TLK1: variants seen among roughly 807,000 people sequenced by gnomAD.
TLK1 encodes the protein serine/threonine-protein kinase tousled-like 1.
A neutral mutation model predicts 105.3 loss-of-function variants in TLK1; 24 were observed. That is an observed-to-expected ratio of 0.23 (90% CI 0.17 to 0.32). TLK1 has a LOEUF of 0.32. Ranked by LOEUF, TLK1 falls within the 10% of genes least tolerant of loss-of-function variation. TLK1 has a pLI of 1.00. For synonymous variants in TLK1, 321 were observed against 310.4 expected (o/e 1.03, Z -0.36); for missense variants, 558 against 910.5 (o/e 0.61, Z 4.98).
At chr2:171,191,251 C>A (rs1693142434) in intron 1 of TLK1, among the ~76,000 whole-genome samples, 1 of 152,074 alleles carries the variant, frequency 6.6e-6, no homozygotes, top group Non-Finnish European at 1.5e-5. Context: ...CAGGATCTGC[C>A]CTTATGGCTC....
At chr2:171,040,422 CAG>C in intron 11 of TLK1, among the ~76,000 whole-genome samples, 1 of 152,090 alleles carries the variant, frequency 6.6e-6, no homozygotes, top group African/African-American at 2.4e-5. Context: ...CGTGTGGGGA[CAG>C]GGGTTAGGTA....
At position 171,058,157 on chromosome 2, in the gene TLK1, A is replaced by G; in HGVS notation, c.447T>C (p.Tyr149=). The part of the protein sequence containing the change: ...IGGRGHKISD[Y]FEYQGGNGSS... ...CAATCCTCAATGAACTTACTTCAAA[A>G]TAGTCGCTAATTTTGTGGCCACGTC... Residue 149 remains tyrosine, a synonymous_variant, in exon 5 of 21, where the codon TAT becomes TAC. Coordinates refer to ENST00000431350, the MANE Select transcript of TLK1 (RefSeq NM_012290.5). The G allele has an allele frequency of 1.2e-6, 2 of 1,613,604 alleles. No individual in the cohort carries two copies. The highest frequency in any genetic ancestry group is 1.7e-6 in the Non-Finnish European group (2 of 1,179,602).
chr2:171,081,746 C>A, intron 3 of TLK1: 2 of 1,280,442 alleles, frequency 1.6e-6, no homozygotes, highest in Non-Finnish European at 2.1e-6. Flanking sequence ...GAGCCCTATG[C>A]CATACTCCTT....
At chr2:171,194,004 C>T (rs1693212952) in intron 1 of TLK1, among the ~76,000 whole-genome samples, 1 of 152,102 alleles carries the variant, frequency 6.6e-6, no homozygotes, top group South Asian at 2.1e-4. Flanking sequence ...CAGGTGTGAG[C>T]CACTGCACCC....
At chr2:170,999,439 G>A (rs1046198598) in intron 18 of TLK1, among the ~76,000 whole-genome samples, 1 of 152,142 alleles carries the variant, frequency 6.6e-6, no homozygotes, top group African/African-American at 2.4e-5. Context: ...AACTGAAACA[G>A]GAATAGCTTG....
chr2:171,009,049 T>C (rs1684778002), intron 14 of TLK1, among the ~76,000 whole-genome samples: 1 of 152,140 alleles, frequency 6.6e-6, no homozygotes, highest in African/African-American at 2.4e-5. Flanking sequence ...TGCTTAAGGA[T>C]AAACTATTAT....
At chr2:171,067,368 G>A (rs188649741) in intron 3 of TLK1, among the ~76,000 whole-genome samples, 4 of 151,424 alleles carry the variant, frequency 2.6e-5, no homozygotes, top group Admixed American at 2.0e-4. Flanking sequence ...TCTCCATGTT[G>A]GCCAGGATGG....
At chr2:171,083,539 G>A (rs1688840352) in intron 2 of TLK1, among the ~76,000 whole-genome samples, 1 of 152,092 alleles carries the variant, frequency 6.6e-6, no homozygotes, top group Non-Finnish European at 1.5e-5. Flanking sequence ...CAGTACATCA[G>A]ATCATAGTCT....
chr2:171,165,426 G>T (rs147763628), upstream of TLK1, among the ~76,000 whole-genome samples: 1 of 152,150 alleles, frequency 6.6e-6, no homozygotes, highest in African/African-American at 2.4e-5. Flanking sequence ...TCTGAGCCCC[G>T]ATCTATAGGA....
intron 3 of TLK1, among the ~76,000 whole-genome samples, chr2:171,074,104 T>C (rs1317806058): frequency 6.6e-6 from 1 of 152,114 alleles, no homozygotes; most frequent in Non-Finnish European, 1.5e-5. Flanking sequence ...TTGGCCAGGC[T>C]GGTCTCGAAC....
At chr2:170,998,478 T>C (rs889067153) in intron 18 of TLK1, among the ~76,000 whole-genome samples, 1 of 152,216 alleles carries the variant, frequency 6.6e-6, no homozygotes, top group Non-Finnish European at 1.5e-5. Flanking sequence ...CTCTTGAATA[T>C]GACAATCACT....
intron 18 of TLK1, among the ~76,000 whole-genome samples, chr2:171,002,848 G>A (rs1181562257): frequency 6.6e-6 from 1 of 150,936 alleles, no homozygotes; most frequent in African/African-American, 2.4e-5. Flanking sequence ...TGTTGCTCAG[G>A]CTGATCTTCA....
chr2:171,059,797 T>C, intron 4 of TLK1: 1 of 674,356 alleles, frequency 1.5e-6, no homozygotes, highest in Non-Finnish European at 2.7e-6. Context: ...CATAAGGGAG[T>C]GCATAACCTG....
intron 10 of TLK1, among the ~76,000 whole-genome samples, chr2:171,046,712 T>C (rs1686978857): frequency 6.6e-6 from 1 of 152,152 alleles, no homozygotes; most frequent in Admixed American, 6.5e-5. Context: ...ACAGATGGTG[T>C]CTATTTATAC....
At chr2:171,117,405 T>C (rs1417115278) in intron 2 of TLK1, among the ~76,000 whole-genome samples, 1 of 152,100 alleles carries the variant, frequency 6.6e-6, no homozygotes, top group African/African-American at 2.4e-5. Flanking sequence ...ATATACACTA[T>C]TAAAGTTTTA....
Position 171,117,786 on chromosome 2 carries a change from C to G in TLK1, c.211G>C (p.Ala71Pro), listed in dbSNP as rs1351336568. The G allele has an allele frequency of 1.2e-6, 2 of 1,613,864 alleles. No individual in the cohort carries two copies. The highest frequency in any genetic ancestry group is 1.7e-6 in the Non-Finnish European group (2 of 1,179,988). The change falls in exon 2 of 21, where the codon GCA (alanine) becomes CCA (proline). Residue 71 changes from alanine (A) to proline (P), a missense_variant. Ala to Pro is a conservative substitution (Grantham distance 27, BLOSUM62 -1). Around this residue, in one of 5 missense-constraint regions of TLK1, gnomAD observed 104 missense variants for 116.0 expected, o/e 0.90. Coordinates refer to ENST00000431350, the MANE Select transcript of TLK1 (RefSeq NM_012290.5). ...ELLEARFTGV[A>P]SGSTGSTGSC... ...CCCGTACTTCCAGTGCTCCCACTTG[C>G]AACTCCAGTAAATCTAGCTTCCAAT...
chr2:171,041,759 A>C (rs1686688426), intron 11 of TLK1, among the ~76,000 whole-genome samples: 1 of 152,180 alleles, frequency 6.6e-6, no homozygotes, highest in African/African-American at 2.4e-5. Context: ...ACTGTACTAC[A>C]TAATAGTAAC....
rs1687156473 is a variant in TLK1 at position 171,049,960 on chromosome 2, AG to A, written c.844-11del. The A allele has an allele frequency of 1.1e-6, 1 of 915,554 alleles. No homozygotes were observed. The highest frequency in any genetic ancestry group is 2.5e-5 in the East Asian group (1 of 39,706). The allele number at this position is 915,554 out of a possible 1,614,324, so 56.7% of individuals were successfully genotyped here. A position where few individuals can be genotyped will look rare whatever the true frequency, so the allele number is the denominator to read the frequency against. ...GCTTTTCTTGTGTACTCTGAAAAGGAGAAAAAAAATCATCACTCAATTGTAT... is the reference window on the plus strand; with the variant it reads ...GCTTTTCTTGTGTACTCTGAAAAGGAAAAAAAAATCATCACTCAATTGTAT... On this transcript the variant is annotated splice_polypyrimidine_tract_variant and intron_variant, in intron 9 of 20. Transcript: ENST00000431350.
At chr2:171,031,921 G>A (rs183270412) in intron 11 of TLK1, among the ~76,000 whole-genome samples, 1 of 152,124 alleles carries the variant, frequency 6.6e-6, no homozygotes, top group Non-Finnish European at 1.5e-5. Context: ...TAGACTGTTA[G>A]AGGCACTTAA....
Sources: allele counts gnomAD v4.1 joint callset (sites outside exome capture counted in the v4.1 genomes callset), GRCh38; gene constraint gnomAD v4.1.1; regional missense constraint gnomAD v4.1.1; transcripts MANE v1.5; gene names NCBI Gene and HGNC (gene_info 2026-07-23, HGNC 2026-07-21).